SEMA3C: variants seen among roughly 807,000 people sequenced by gnomAD.
SEMA3C encodes semaphorin-3C.
In SEMA3C, 47 loss-of-function variants were observed where a neutral mutation model predicts 89.4. That is an observed-to-expected ratio of 0.53 (90% CI 0.42 to 0.67). The LOEUF (loss-of-function observed/expected upper bound fraction) is 0.67, where lower values mean the gene tolerates loss of function less well. SEMA3C is among the 30% of genes least tolerant of loss of function. The probability of loss-of-function intolerance (pLI) is 0.00; values close to 1 mark genes in which losing one functional copy is unlikely to be tolerated. For synonymous variants in SEMA3C, 310 were observed against 320.2 expected (o/e 0.97, Z 0.34); for missense variants, 839 against 929.1 (o/e 0.90, Z 1.26).
chr7:80,860,378 T>C (rs1263434374), intron 2 of SEMA3C, among the ~76,000 whole-genome samples: 1 of 152,202 alleles, frequency 6.6e-6, no homozygotes, highest in African/African-American at 2.4e-5. Context: ...CACATTACCA[T>C]GTCTATCATG....
At chr7:80,848,117 T>G (rs1048612066) in intron 2 of SEMA3C, among the ~76,000 whole-genome samples, 5 of 152,234 alleles carry the variant, frequency 3.3e-5, no homozygotes, top group African/African-American at 1.2e-4. Context: ...TGGTTAAGCA[T>G]GTAAACTTAA....
At chr7:80,850,672 T>C (rs1299275965) in intron 2 of SEMA3C, among the ~76,000 whole-genome samples, 2 of 152,194 alleles carry the variant, frequency 1.3e-5, no homozygotes, top group African/African-American at 2.4e-5. Flanking sequence ...GCACGGTAGT[T>C]AGACAAGTAT....
At chr7:80,832,163 A>G (rs565964327) in intron 2 of SEMA3C, among the ~76,000 whole-genome samples, 65 of 152,258 alleles carry the variant, frequency 4.3e-4, no homozygotes, top group Non-Finnish European at 8.4e-4. Context: ...GTTAGAAACA[A>G]AAAGGGAGCC....
chr7:80,916,268 A>T (rs987575293), intron 2 of SEMA3C, among the ~76,000 whole-genome samples: 1 of 152,114 alleles, frequency 6.6e-6, no homozygotes, highest in Non-Finnish European at 1.5e-5. Context: ...ATGCCCAAAA[A>T]ATTAATTGGG....
chr7:80,808,925 C>G (rs762970879), intron 6 of SEMA3C, among the ~76,000 whole-genome samples: 22 of 152,024 alleles, frequency 1.4e-4, no homozygotes, highest in Non-Finnish European at 1.6e-4. Flanking sequence ...CAGGTGCACG[C>G]CACCACGCCC....
intron 2 of SEMA3C, among the ~76,000 whole-genome samples, chr7:80,911,059 C>G (rs1458127517): frequency 6.6e-6 from 1 of 152,026 alleles, no homozygotes; most frequent in African/African-American, 2.4e-5. Context: ...TAATTCCCCT[C>G]ATCTTCACCT....
In SEMA3C at chr7:80,778,811, G is replaced by A. The variant is rs772309248; in HGVS notation, c.1354+10495C>T. 3.3e-5 allele frequency among the ~76,000 whole-genome samples: 5 copies of A among 152,106 alleles called. 1 individual carries two copies. The highest frequency in any genetic ancestry group is 4.1e-4 in the South Asian group (2 of 4,826). The stretch of plus-strand genomic sequence containing the variant: ...GCCACATCTGATGATCTTGACCACC[G>A]CATCTTCCTTCCTTTTAGTGTTTGT... On this transcript the variant is annotated intron_variant, in intron 12 of 17. Transcript: ENST00000265361.
chr7:80,773,216 CAATATATTAA>C (rs1448583757), intron 12 of SEMA3C, among the ~76,000 whole-genome samples: 3 of 151,616 alleles, frequency 2.0e-5, no homozygotes, highest in Non-Finnish European at 4.4e-5. Flanking sequence ...GACTTACTTG[CAATATATTAA>C]AATATTCAGG....
chr7:80,834,642 C>A (rs114238331), intron 2 of SEMA3C, among the ~76,000 whole-genome samples: 39 of 152,196 alleles, frequency 2.6e-4, no homozygotes, highest in African/African-American at 8.4e-4. Flanking sequence ...CTCATTCATG[C>A]ACTCAAAAAT....
chr7:80,922,346 G>A, upstream of SEMA3C: 1 of 1,234,384 alleles, frequency 8.1e-7, no homozygotes, highest in Non-Finnish European at 1.1e-6. Context: ...ATCCTTTTAA[G>A]TTTCCTGAAC....
intron 2 of SEMA3C, among the ~76,000 whole-genome samples, chr7:80,878,541 G>A (rs1232342730): frequency 6.6e-6 from 1 of 152,138 alleles, no homozygotes; most frequent in African/African-American, 2.4e-5. Flanking sequence ...TGGGCACTGG[G>A]ATACAGGACT....
At chr7:80,878,676 G>A (rs1010151145) in intron 2 of SEMA3C, among the ~76,000 whole-genome samples, 1 of 152,028 alleles carries the variant, frequency 6.6e-6, no homozygotes, top group Non-Finnish European at 1.5e-5. Context: ...TAGGTGTCCA[G>A]TACACCTAAT....
chr7:80,894,826 T>C (rs1791695447), intron 2 of SEMA3C, among the ~76,000 whole-genome samples: 1 of 152,056 alleles, frequency 6.6e-6, no homozygotes, highest in Admixed American at 6.6e-5. Flanking sequence ...TCTTAAGTGG[T>C]TAGGTAGAGA....
chr7:80,846,745 A>T (rs2115910914), intron 2 of SEMA3C, among the ~76,000 whole-genome samples: 1 of 152,330 alleles, frequency 6.6e-6, no homozygotes, highest in South Asian at 2.1e-4. Flanking sequence ...ACACTATTTT[A>T]CTGGTGCCAA....
In SEMA3C at chr7:80,772,709, T is replaced by G. The variant is rs577259980; in HGVS notation, c.1355-7466A>C. Among the ~76,000 whole-genome samples the G allele has an allele frequency of 9.3e-3, 1,377 of 148,600 alleles. 25 individuals are homozygous for G. The highest frequency in any genetic ancestry group is 0.031 in the African/African-American group (1,200 of 38,608). Reference sequence around the variant, plus strand: ...ACTAGGTTAAACATGTTTTTTTTTTTGTTTGTTTTATTTTTTTCCTGCAGA... The same window carrying G: ...ACTAGGTTAAACATGTTTTTTTTTTGGTTTGTTTTATTTTTTTCCTGCAGA... On this transcript the variant is annotated intron_variant, in intron 12 of 17. Coordinates refer to ENST00000265361, the MANE Select transcript of SEMA3C (RefSeq NM_006379.5).
intron 2 of SEMA3C, among the ~76,000 whole-genome samples, chr7:80,900,303 C>T (rs1406371557): frequency 2.0e-5 from 3 of 151,918 alleles, no homozygotes; most frequent in Non-Finnish European, 2.9e-5. Flanking sequence ...TTAGGAGAGA[C>T]GGGGTTTCAA....
At chr7:80,889,815 T>C (rs1328520209) in intron 2 of SEMA3C, among the ~76,000 whole-genome samples, 1 of 152,214 alleles carries the variant, frequency 6.6e-6, no homozygotes, top group Admixed American at 6.5e-5. Flanking sequence ...TCATCCATGA[T>C]AATTTTTAGT....
chr7:80,762,979 T>C (rs886407009), intron 13 of SEMA3C, among the ~76,000 whole-genome samples: 4 of 152,210 alleles, frequency 2.6e-5, no homozygotes, highest in Admixed American at 6.5e-5. Flanking sequence ...AACAGTGATA[T>C]CTTTAATTCT....
chr7:80,772,718 T>C (rs1384877806), intron 12 of SEMA3C, among the ~76,000 whole-genome samples: 1 of 152,176 alleles, frequency 6.6e-6, no homozygotes, highest in Admixed American at 6.6e-5. Flanking sequence ...TTGTTTGTTT[T>C]ATTTTTTTCC....
Sources: gnomAD v4.1 joint callset for allele counts (sites outside exome capture counted in the v4.1 genomes callset) on GRCh38, gnomAD v4.1.1 for gene constraint, MANE v1.5 for transcripts, NCBI Gene and HGNC (gene_info 2026-07-23, HGNC 2026-07-21) for gene names.